The following TLL2 variants were observed in gnomAD, a reference collection of about 807,000 sequenced individuals.
TLL2 encodes the protein tolloid like 2.
In TLL2, 106 loss-of-function variants were observed where a neutral mutation model predicts 123.0. The observed-to-expected ratio is 0.86, with a 90% CI of 0.74 to 1.01. TLL2 has a LOEUF of 1.01. TLL2 is among the 50% of genes least tolerant of loss of function. The pLI, the probability that TLL2 is intolerant of heterozygous loss-of-function variation, is 0.00. For synonymous variants in TLL2, 494 were observed against 516.8 expected (o/e 0.96, Z 0.60); for missense variants, 1,332 against 1,336.7 (o/e 1.00, Z 0.06).
At position 96,506,251 on chromosome 10, in the gene TLL2, C is replaced by CAAAAAAA. The variant is rs1210970430; in HGVS notation, c.175+7253_175+7259dup. Among the ~76,000 whole-genome samples the CAAAAAAA allele has an allele frequency of 1.1e-3, 40 of 36,688 alleles. 2 individuals are homozygous for CAAAAAAA. The highest frequency in any genetic ancestry group is 4.1e-3 in the African/African-American group (37 of 8,970). 24.1% of individuals were successfully genotyped at this position (36,688 alleles called of 152,430 possible). On this transcript the variant is annotated intron_variant, in intron 1 of 20. Coordinates refer to ENST00000357947, the MANE Select transcript of TLL2 (RefSeq NM_012465.4). ...TGGATGACAGAGCGAGACCCCATCTCAAAAAAAAAAAAAAGAAAAAAAAAA... is the reference window on the plus strand; with the variant it reads ...TGGATGACAGAGCGAGACCCCATCTCAAAAAAAAAAAAAAAAAAAAAGAAAAAAAAAA...
intron 2 of TLL2, among the ~76,000 whole-genome samples, chr10:96,478,132 C>A (rs997152699): frequency 6.6e-6 from 1 of 152,232 alleles, no homozygotes; most frequent in African/African-American, 2.4e-5. Flanking sequence ...TCAACACAAC[C>A]CTCTAGCAGC....
Position 96,431,691 on chromosome 10 carries a change from G to C in TLL2, c.520+1116C>G, listed in dbSNP as rs993356750. 2.6e-5 allele frequency among the ~76,000 whole-genome samples: 4 copies of C among 152,170 alleles called. No individual in the cohort carries two copies. In the East Asian group the frequency reaches 7.7e-4, roughly 29 times the overall value. On this transcript the variant is annotated intron_variant, in intron 4 of 20. Transcript: ENST00000357947. The stretch of plus-strand genomic sequence containing the variant: ...AAGACTGCTGCTCCCACAGAGCTTA[G>C]ACAGAGACAAAAATAAATGAAACAG...
At chr10:96,402,870 G>A in intron 10 of TLL2, among the ~76,000 whole-genome samples, 1 of 152,154 alleles carries the variant, frequency 6.6e-6, no homozygotes, top group East Asian at 1.9e-4. Context: ...CATGAAGTCA[G>A]GGCTCGGTCT....
chr10:96,385,361 T>A (rs1846224032), intron 15 of TLL2, among the ~76,000 whole-genome samples: 1 of 152,210 alleles, frequency 6.6e-6, no homozygotes. Flanking sequence ...TCAAGGATTA[T>A]TTTTTTCTGC....
In TLL2 at chr10:96,415,509, T is replaced by C. The variant is rs78933232; in HGVS notation, c.924-2193A>G. On this transcript the variant is annotated intron_variant, in intron 7 of 20. Transcript: ENST00000357947. Reference sequence around the variant, plus strand: ...AAGGAGTGATGGTATTTGTCTTCTTTGCTAAAAGTAAGTTCCTCAAGCAGG... The same window carrying C: ...AAGGAGTGATGGTATTTGTCTTCTTCGCTAAAAGTAAGTTCCTCAAGCAGG... Among the ~76,000 whole-genome samples, 610 of 151,918 alleles carry C rather than the reference T, an allele frequency of 4.0e-3. 12 individuals are homozygous for C. Among genetic ancestry groups the C allele is most frequent in the African/African-American group, 0.014 (583 of 41,456 alleles).
Position 96,370,288 on chromosome 10 carries a change from ACTTCAGC to A in TLL2, c.2683_2689del (p.Ala895CysfsTer26). 1.3e-6 allele frequency: 2 copies of A among 1,596,484 alleles called. No individual in the cohort carries two copies. The highest frequency in any genetic ancestry group is 1.1e-5 in the South Asian group (1 of 87,712). ...GTGGGAATAGAGCTCTTTGGTCTGC[ACTTCAGC>A]CTTCAGCCTGCCCCCGCACTCTGGA... On this transcript the variant is annotated frameshift_variant, in exon 20 of 21. Coordinates refer to ENST00000357947, the MANE Select transcript of TLL2 (RefSeq NM_012465.4). LOFTEE classifies it high-confidence loss of function.
At chr10:96,442,417 C>T (rs557268601) in intron 3 of TLL2, among the ~76,000 whole-genome samples, 9 of 152,290 alleles carry the variant, frequency 5.9e-5, no homozygotes, top group Admixed American at 4.6e-4. Flanking sequence ...AGGCATCCAG[C>T]GCTGGCGCCG....
intron 6 of TLL2, among the ~76,000 whole-genome samples, chr10:96,422,083 G>A (rs1417945633): frequency 6.6e-6 from 1 of 151,978 alleles, no homozygotes. Context: ...TATCTGCCTT[G>A]GGGCAGAATG....
chr10:96,435,527 C>G (rs1846788193), intron 3 of TLL2, among the ~76,000 whole-genome samples: 1 of 152,136 alleles, frequency 6.6e-6, no homozygotes, highest in South Asian at 2.1e-4. Flanking sequence ...TCTAAGAAAC[C>G]ATAGCCTAAT....
At chr10:96,395,767 C>T (rs764460296) in intron 12 of TLL2, 108 bp downstream of exon 12, 40 of 1,410,688 alleles carry the variant, frequency 2.8e-5, no homozygotes, top group Non-Finnish European at 3.8e-5. Context: ...TGAGAATAGC[C>T]TCTTAGGTTC....
chr10:96,379,722 T>C (rs916318972), intron 16 of TLL2, among the ~76,000 whole-genome samples: 1 of 152,216 alleles, frequency 6.6e-6, no homozygotes, highest in African/African-American at 2.4e-5. Flanking sequence ...CGCGGGAGGC[T>C]GAGGCAGGAG....
intron 2 of TLL2, among the ~76,000 whole-genome samples, chr10:96,447,423 C>A (rs1332280549): frequency 2.0e-5 from 3 of 152,194 alleles, no homozygotes; most frequent in Non-Finnish European, 4.4e-5. Context: ...CAGTTAGGAG[C>A]CTTGCAAGTG....
chr10:96,476,551 C>T (rs1021388118), intron 2 of TLL2, among the ~76,000 whole-genome samples: 5 of 151,164 alleles, frequency 3.3e-5, no homozygotes, highest in South Asian at 2.1e-4. Context: ...TGTGAGTCAC[C>T]GCACCTGGCC....
chr10:96,458,056 T>G (rs1589427316), intron 2 of TLL2, among the ~76,000 whole-genome samples: 1 of 147,656 alleles, frequency 6.8e-6, no homozygotes, highest in African/African-American at 2.5e-5. Flanking sequence ...GGAGGTGGGG[T>G]GGGAGGATTG....
chr10:96,419,413 C>T (rs1327834440), intron 7 of TLL2, among the ~76,000 whole-genome samples: 1 of 152,188 alleles, frequency 6.6e-6, no homozygotes. Flanking sequence ...GTCTGCCTCC[C>T]TCAAAGGCAA....
Position 96,390,672 on chromosome 10 carries a change from G to A in TLL2, c.1727-3594C>T, listed in dbSNP as rs189709855. On this transcript the variant is annotated intron_variant, in intron 13 of 20. Coordinates refer to ENST00000357947, the MANE Select transcript of TLL2 (RefSeq NM_012465.4). ...TCTTCCAGCTTCTTTCACTGGAGAA[G>A]TTCTGACACACGTGCTAGGTACGTT... Among the ~76,000 whole-genome samples, 406 of 152,372 alleles carry A rather than the reference G, an allele frequency of 2.7e-3. 2 individuals are homozygous for A. Among genetic ancestry groups the A allele is most frequent in the Non-Finnish European group, 4.9e-3 (336 of 68,040 alleles).
At chr10:96,405,186 G>A (rs746270112) in intron 10 of TLL2, 46 bp downstream of exon 10, 1 of 1,561,868 alleles carries the variant, frequency 6.4e-7, no homozygotes, top group Non-Finnish European at 8.8e-7. Context: ...GCATCCCGGG[G>A]AACATCCCAT....
At chr10:96,493,629 T>C (rs1194998511) in intron 1 of TLL2, among the ~76,000 whole-genome samples, 1 of 152,064 alleles carries the variant, frequency 6.6e-6, no homozygotes, top group Non-Finnish European at 1.5e-5. Context: ...GGGAACGGGA[T>C]CCTGAGGCTG....
chr10:96,411,054 C>A (rs969793461), intron 8 of TLL2, among the ~76,000 whole-genome samples: 4 of 151,874 alleles, frequency 2.6e-5, no homozygotes, highest in African/African-American at 9.7e-5. Flanking sequence ...CCAGCCTGGC[C>A]AACATGGGGA....
Sources: gnomAD v4.1 joint callset for allele counts (sites outside exome capture counted in the v4.1 genomes callset) on GRCh38, gnomAD v4.1.1 for gene constraint, MANE v1.5 for transcripts, NCBI Gene and HGNC (gene_info 2026-07-23, HGNC 2026-07-21) for gene names.